STX18: variants seen among roughly 807,000 people sequenced by gnomAD.
The protein encoded by STX18 is syntaxin 18, also known as syntaxin-18.
STX18 carries 40 observed loss-of-function variants against 50.1 expected under a neutral mutation model. That is an observed-to-expected ratio of 0.80 (90% CI 0.62 to 1.04). STX18 has a LOEUF of 1.04. Ranked by LOEUF, STX18 falls within the 50% of genes least tolerant of loss-of-function variation. STX18 has a pLI of 0.00. For missense variants in STX18, 410 were observed against 415.8 expected (o/e 0.99, Z 0.12); for synonymous variants, 158 against 151.8 (o/e 1.04, Z -0.30).
At chr4:4,529,138 C>A (rs747567919) in intron 1 of STX18, among the ~76,000 whole-genome samples, 2 of 152,042 alleles carry the variant, frequency 1.3e-5, no homozygotes, top group Non-Finnish European at 1.5e-5. Context: ...CTGAGACGGG[C>A]GGATCACGAG....
intron 2 of STX18, among the ~76,000 whole-genome samples, chr4:4,460,610 T>C (rs962963888): frequency 6.6e-6 from 1 of 152,106 alleles, no homozygotes; most frequent in Non-Finnish European, 1.5e-5. Context: ...CCCACTTCCA[T>C]ATTTTCTAAG....
intron 5 of STX18, among the ~76,000 whole-genome samples, chr4:4,452,278 G>C (rs925716596): frequency 2.0e-5 from 3 of 152,262 alleles, no homozygotes; most frequent in African/African-American, 7.2e-5. Context: ...AGGTGAATTA[G>C]CAAGTGCTGA....
intron 1 of STX18, among the ~76,000 whole-genome samples, chr4:4,537,016 G>C (rs1731372540): frequency 6.6e-6 from 1 of 152,208 alleles, no homozygotes; most frequent in South Asian, 2.1e-4. Flanking sequence ...CCTGCGGCTA[G>C]AACATGGGTT....
chr4:4,540,330 A>C (rs1482671653), intron 1 of STX18, among the ~76,000 whole-genome samples: 1 of 152,220 alleles, frequency 6.6e-6, no homozygotes, highest in Admixed American at 6.5e-5. Flanking sequence ...CAAACTCTGC[A>C]ATGATACACA....
intron 1 of STX18, among the ~76,000 whole-genome samples, chr4:4,491,259 T>C (rs1029827216): frequency 1.3e-5 from 2 of 152,130 alleles, no homozygotes; most frequent in Non-Finnish European, 2.9e-5. Context: ...CCATATTATA[T>C]ACAAAATGCC....
chr4:4,483,121 T>C (rs1359095919), intron 1 of STX18, among the ~76,000 whole-genome samples: 3 of 152,168 alleles, frequency 2.0e-5, no homozygotes, highest in Non-Finnish European at 4.4e-5. Context: ...CAGGGGGGCA[T>C]GGGTGGTTAA....
intron 1 of STX18, among the ~76,000 whole-genome samples, chr4:4,485,262 C>T (rs1240594241): frequency 6.6e-6 from 1 of 152,226 alleles, no homozygotes; most frequent in Non-Finnish European, 1.5e-5. Flanking sequence ...AAGAGTCTGA[C>T]ACTGTGTCTG....
chr4:4,475,423 T>C (rs1728128521), intron 1 of STX18, among the ~76,000 whole-genome samples: 1 of 151,762 alleles, frequency 6.6e-6, no homozygotes, highest in African/African-American at 2.4e-5. Context: ...AAGATTTCTT[T>C]AGAAATTTGA....
intron 1 of STX18, among the ~76,000 whole-genome samples, chr4:4,514,623 A>G (rs1191847973): frequency 6.6e-6 from 1 of 152,238 alleles, no homozygotes; most frequent in Non-Finnish European, 1.5e-5. Context: ...ATAGGATAGG[A>G]TAACATCCAT....
chr4:4,439,584 C>T (rs2108791862), intron 5 of STX18, among the ~76,000 whole-genome samples: 1 of 128,670 alleles, frequency 7.8e-6, no homozygotes, highest in South Asian at 2.4e-4. Flanking sequence ...TATATATACA[C>T]ACACACACCC....
rs1011043991 is a variant in STX18 at position 4,438,364 on chromosome 4, G to T, written c.613+30C>A. Reference sequence around the variant, plus strand: ...TGCCAACATGTCACAAGGAAGAAATGCAAGGTGAGATTTTCATCTCAATTC... The same window carrying T: ...TGCCAACATGTCACAAGGAAGAAATTCAAGGTGAGATTTTCATCTCAATTC... On this transcript the variant is annotated intron_variant, in intron 6 of 10. Transcript: ENST00000306200. 4 of 1,520,066 alleles carry T rather than the reference G, an allele frequency of 2.6e-6. No individual in the cohort carries two copies. In the South Asian group the frequency reaches 4.5e-5, roughly 17 times the overall value. The allele number at this position is 1,520,066 out of a possible 1,614,324, so 94.2% of individuals were successfully genotyped here.
At chr4:4,471,934 T>A (rs1401195019) in intron 1 of STX18, among the ~76,000 whole-genome samples, 2 of 152,230 alleles carry the variant, frequency 1.3e-5, no homozygotes, top group East Asian at 3.8e-4. Context: ...TATGACACTA[T>A]GAGTAGGTGA....
chr4:4,517,213 T>A (rs1439589657), intron 1 of STX18, among the ~76,000 whole-genome samples: 1 of 152,222 alleles, frequency 6.6e-6, no homozygotes, highest in African/African-American at 2.4e-5. Flanking sequence ...CCCACCCACA[T>A]CATGACATTA....
At chr4:4,462,205 G>A (rs1727415124) in intron 2 of STX18, among the ~76,000 whole-genome samples, 1 of 152,130 alleles carries the variant, frequency 6.6e-6, no homozygotes, top group African/African-American at 2.4e-5. Flanking sequence ...AAACAGAGGT[G>A]GGTTTTGTCT....
intron 1 of STX18, among the ~76,000 whole-genome samples, chr4:4,518,613 G>A (rs1730383290): frequency 6.6e-6 from 1 of 151,500 alleles, no homozygotes; most frequent in South Asian, 2.1e-4. Context: ...AAAACATAAG[G>A]GTTTTTAAAA....
intron 1 of STX18, among the ~76,000 whole-genome samples, chr4:4,508,270 C>T (rs1273220453): frequency 1.3e-5 from 2 of 152,102 alleles, no homozygotes; most frequent in Non-Finnish European, 2.9e-5. Context: ...TGGACCTCAC[C>T]ACATATCCCC....
At chr4:4,461,307 T>C (rs186168154) in intron 2 of STX18, among the ~76,000 whole-genome samples, 2 of 152,298 alleles carry the variant, frequency 1.3e-5, no homozygotes, top group East Asian at 1.9e-4. Context: ...CCAGATTGTT[T>C]TGTTGCCAGG....
At chr4:4,525,785 A>G (rs1247920742) in intron 1 of STX18, among the ~76,000 whole-genome samples, 1 of 152,190 alleles carries the variant, frequency 6.6e-6, no homozygotes, top group Non-Finnish European at 1.5e-5. Flanking sequence ...CTAGATAAAA[A>G]CACAAAATAA....
chr4:4,472,402 G>T (rs747846960), intron 1 of STX18, among the ~76,000 whole-genome samples: 2 of 152,218 alleles, frequency 1.3e-5, no homozygotes, highest in South Asian at 4.1e-4. Flanking sequence ...AGGGACAAAC[G>T]TGTTTCCAGA....
Sources: gnomAD v4.1 joint callset for allele counts (sites outside exome capture counted in the v4.1 genomes callset) on GRCh38, gnomAD v4.1.1 for gene constraint, MANE v1.5 for transcripts, NCBI Gene and HGNC (gene_info 2026-07-23, HGNC 2026-07-21) for gene names.